Variants in CYB5R4 observed in about 807,000 individuals in gnomAD.
CYB5R4 encodes the protein cytochrome b5 reductase 4.
In CYB5R4, 55 loss-of-function variants were observed where a neutral mutation model predicts 70.2. The observed-to-expected ratio is 0.78, with a 90% CI of 0.63 to 0.98. The LOEUF (loss-of-function observed/expected upper bound fraction) is 0.98. Ranked by LOEUF, CYB5R4 falls within the 50% of genes least tolerant of loss-of-function variation. The pLI is 0.00. For missense variants in CYB5R4, 562 were observed against 612.6 expected (o/e 0.92, Z 0.87); for synonymous variants, 197 against 199.5 (o/e 0.99, Z 0.11).
At chr6:83,881,200 G>C (rs2099459380) in intron 2 of CYB5R4, among the ~76,000 whole-genome samples, 1 of 151,664 alleles carries the variant, frequency 6.6e-6, no homozygotes, top group Non-Finnish European at 1.5e-5. Context: ...TTAGAGACAG[G>C]GTCTTGCTCT....
At position 83,876,754 on chromosome 6, in the gene CYB5R4, A is replaced by T. The variant is rs556573876; in HGVS notation, c.229+12426A>T. Among the ~76,000 whole-genome samples, 10 of 152,272 alleles carry T rather than the reference A, an allele frequency of 6.6e-5. No individual in the cohort carries two copies. In the East Asian group the frequency reaches 1.9e-3, roughly 29 times the overall value. ...AAGAGATAAAGATAATTAAAAAATT[A>T]TATTTTATGTTTACCCACATTTTAC... On this transcript the variant is annotated intron_variant, in intron 2 of 15. Transcript: ENST00000369681.
At chr6:83,900,452 G>T (rs1039460331) in intron 3 of CYB5R4, among the ~76,000 whole-genome samples, 1 of 152,154 alleles carries the variant, frequency 6.6e-6, no homozygotes, top group Admixed American at 6.5e-5. Context: ...TGTTGATTTG[G>T]GGTGGAGAGT....
intron 14 of CYB5R4, among the ~76,000 whole-genome samples, chr6:83,942,783 G>T (rs1479164223): frequency 6.6e-6 from 1 of 152,042 alleles, no homozygotes; most frequent in Admixed American, 6.6e-5. Flanking sequence ...TGGGGGGAGG[G>T]GCGTCCACCA....
intron 2 of CYB5R4, among the ~76,000 whole-genome samples, chr6:83,885,600 G>A (rs1040222369): frequency 3.9e-5 from 6 of 152,172 alleles, no homozygotes; most frequent in Non-Finnish European, 7.4e-5. Context: ...CTTTAATCTT[G>A]CATTGTACTA....
chr6:83,895,657 C>A (rs576750151), intron 3 of CYB5R4, among the ~76,000 whole-genome samples: 3 of 152,082 alleles, frequency 2.0e-5, no homozygotes, highest in Admixed American at 6.6e-5. Flanking sequence ...TCATATAGAC[C>A]TTATTTAAGG....
At chr6:83,878,903 T>C (rs2099459012) in intron 2 of CYB5R4, among the ~76,000 whole-genome samples, 1 of 152,050 alleles carries the variant, frequency 6.6e-6, no homozygotes, top group African/African-American at 2.4e-5. Context: ...GCTAGAGGGT[T>C]TTTTTCCCCC....
At chr6:83,931,111 CT>C (rs970071003) in intron 10 of CYB5R4, among the ~76,000 whole-genome samples, 2 of 152,220 alleles carry the variant, frequency 1.3e-5, no homozygotes, top group African/African-American at 4.8e-5. Flanking sequence ...TGAAGTAGGA[CT>C]TTTAATTTCC....
intron 2 of CYB5R4, among the ~76,000 whole-genome samples, chr6:83,869,839 G>C (rs1319338915): frequency 6.6e-6 from 1 of 151,810 alleles, no homozygotes; most frequent in Non-Finnish European, 1.5e-5. Flanking sequence ...AAAAAAAAGT[G>C]TCTGTTTTTG....
At position 83,859,735 on chromosome 6, in the gene CYB5R4, C is replaced by G. The variant is rs574595297; in HGVS notation, c.-48C>G. The G allele has an allele frequency of 6.3e-6, 10 of 1,598,374 alleles. No homozygotes were observed. Among genetic ancestry groups the G allele is most frequent in the African/African-American group, 5.4e-5 (4 of 74,750 alleles). On this transcript the variant is annotated 5_prime_UTR_variant, in exon 1 of 16. Transcript: ENST00000369681. ...ACAGAGCCGGAGCTGGAGGTGCTGT[C>G]CCGTCTGGCGGCGATCCCCGGGCAG...
chr6:83,936,118 A>G lies in CYB5R4; in HGVS notation c.956-106A>G, dbSNP rs1282121322. On this transcript the variant is annotated intron_variant, in intron 11 of 15. Coordinates refer to ENST00000369681, the MANE Select transcript of CYB5R4 (RefSeq NM_016230.4). The stretch of plus-strand genomic sequence containing the variant: ...TTAGAATTATATGCCCATTAGGTAT[A>G]TAGTTTTAAATATATACTGATAGTG... 7 of 706,484 alleles carry G rather than the reference A, an allele frequency of 9.9e-6. No individual in the cohort carries two copies. In the East Asian group the frequency reaches 1.4e-4, roughly 14 times the overall value. The allele number at this position is 706,484 out of a possible 1,614,324, so 43.8% of individuals were successfully genotyped here.
chr6:83,885,071 T>C (rs1003854391), intron 2 of CYB5R4, among the ~76,000 whole-genome samples: 40 of 152,162 alleles, frequency 2.6e-4, no homozygotes, highest in African/African-American at 9.4e-4. Flanking sequence ...AATTAAGAAA[T>C]GTAAAGAATA....
In CYB5R4 at chr6:83,867,657, C is replaced by T. The variant is rs80223278; in HGVS notation, c.229+3329C>T. Among the ~76,000 whole-genome samples, 903 of 152,294 alleles carry T rather than the reference C, an allele frequency of 5.9e-3. 13 individuals carry two copies. Among genetic ancestry groups the T allele is most frequent in the East Asian group, 0.034 (178 of 5,172 alleles). Reference sequence around the variant, plus strand: ...AACAGATTACTGGTAACTTCTAGCACGATCCCAATGAAACTAAAATTACAT... The same window carrying T: ...AACAGATTACTGGTAACTTCTAGCATGATCCCAATGAAACTAAAATTACAT... On this transcript the variant is annotated intron_variant, in intron 2 of 15. Coordinates refer to ENST00000369681, the MANE Select transcript of CYB5R4 (RefSeq NM_016230.4).
At chr6:83,872,074 AT>A (rs1306168396) in intron 2 of CYB5R4, among the ~76,000 whole-genome samples, 1 of 152,026 alleles carries the variant, frequency 6.6e-6, no homozygotes. Context: ...GCATCCTTAT[AT>A]TTCTAGAGAT....
chr6:83,868,138 CTG>C (rs1303961060), intron 2 of CYB5R4, among the ~76,000 whole-genome samples: 1 of 151,994 alleles, frequency 6.6e-6, no homozygotes. Context: ...TTCATCAAAA[CTG>C]TGCCACAGGG....
intron 4 of CYB5R4, among the ~76,000 whole-genome samples, chr6:83,911,314 T>C (rs2099464647): frequency 6.6e-6 from 1 of 152,078 alleles, no homozygotes; most frequent in African/African-American, 2.4e-5. Flanking sequence ...GAGTTCTGTT[T>C]AGAGATATGG....
intron 4 of CYB5R4, among the ~76,000 whole-genome samples, chr6:83,911,143 G>A (rs1034099607): frequency 1.3e-5 from 2 of 152,166 alleles, no homozygotes; most frequent in African/African-American, 4.8e-5. Flanking sequence ...GGTGGCTCAT[G>A]CCTGTAATCT....
intron 4 of CYB5R4, 134 bp from the exon 5 acceptor site, chr6:83,914,282 T>G: frequency 6.4e-6 from 6 of 943,002 alleles, no homozygotes; most frequent in Non-Finnish European, 9.0e-6. Context: ...TATTGGCCTG[T>G]TTCTCTCCTC....
intron 4 of CYB5R4, among the ~76,000 whole-genome samples, chr6:83,912,071 A>T (rs1485912007): frequency 6.6e-6 from 1 of 151,554 alleles, no homozygotes; most frequent in East Asian, 1.9e-4. Flanking sequence ...AAAAAAAAAA[A>T]AAAAAAGCCT....
At chr6:83,885,938 A>G (rs2099460190) in intron 2 of CYB5R4, among the ~76,000 whole-genome samples, 1 of 152,212 alleles carries the variant, frequency 6.6e-6, no homozygotes, top group African/African-American at 2.4e-5. Context: ...CGTGTACATG[A>G]ATGTTAATAG....
Sources: gnomAD v4.1 joint callset for allele counts (sites outside exome capture counted in the v4.1 genomes callset) on GRCh38, gnomAD v4.1.1 for gene constraint, MANE v1.5 for transcripts, NCBI Gene and HGNC (gene_info 2026-07-23, HGNC 2026-07-21) for gene names.